MARCHF1: variants seen among roughly 807,000 people sequenced by gnomAD.
MARCHF1 encodes the protein membrane associated ring-CH-type finger 1.
MARCHF1 carries 40 observed loss-of-function variants against 54.2 expected under a neutral mutation model. The ratio of observed to expected loss-of-function variants is 0.74; its 90% confidence interval spans 0.57 to 0.96. The LOEUF (loss-of-function observed/expected upper bound fraction) is 0.96, where lower values mean the gene tolerates loss of function less well. MARCHF1 is among the 40% of genes least tolerant of loss of function. The probability of loss-of-function intolerance (pLI) is 0.00; values close to 1 mark genes in which losing one functional copy is unlikely to be tolerated. For synonymous variants in MARCHF1, 236 were observed against 236.3 expected, an observed-to-expected ratio of 1.00 and a Z score of 0.01; for missense variants, 586 against 656.5, an observed-to-expected ratio of 0.89 and a Z score of 1.17.
At position 164,146,202 on chromosome 4, in the gene MARCHF1, G is replaced by T. The variant is rs1246986578; in HGVS notation, c.-322-34540C>A. On this transcript the variant is annotated intron_variant, in intron 1 of 9. Transcript: ENST00000514618. The stretch of plus-strand genomic sequence containing the variant: ...ACAAACAAATGGAAGAACATTCCAT[G>T]CTCATGGGTAGGAAGAATCAATATC... Among the ~76,000 whole-genome samples, 10 of 145,714 alleles carry T rather than the reference G, an allele frequency of 6.9e-5. No homozygotes were observed. The East Asian group carries it at 7.9e-4, about 12-fold the overall frequency.
intron 5 of MARCHF1, among the ~76,000 whole-genome samples, chr4:163,641,762 C>A (rs896021208): frequency 6.6e-6 from 1 of 152,098 alleles, no homozygotes; most frequent in African/African-American, 2.4e-5. Context: ...GATCTCATTT[C>A]TTCTTATTGG....
intron 2 of MARCHF1, among the ~76,000 whole-genome samples, chr4:164,057,148 C>A (rs991468937): frequency 6.6e-6 from 1 of 152,064 alleles, no homozygotes; most frequent in African/African-American, 2.4e-5. Flanking sequence ...AAACAAGGAG[C>A]TTTATATTTT....
chr4:164,302,950 G>A (rs1484825437), intron 1 of MARCHF1, among the ~76,000 whole-genome samples: 1 of 151,562 alleles, frequency 6.6e-6, no homozygotes, highest in African/African-American at 2.4e-5. Context: ...TCTGCAGGAT[G>A]AGGGAGTTCA....
intron 5 of MARCHF1, among the ~76,000 whole-genome samples, chr4:163,624,939 ATTTCC>A (rs375910863): frequency 2.1e-3 from 327 of 152,288 alleles, no homozygotes; most frequent in African/African-American, 7.4e-3. Flanking sequence ...AACCCCAGTC[ATTTCC>A]TTTCCTTTAT....
intron 4 of MARCHF1, among the ~76,000 whole-genome samples, chr4:163,809,065 C>G (rs1748310767): frequency 6.6e-6 from 1 of 152,094 alleles, no homozygotes; most frequent in African/African-American, 2.4e-5. Context: ...TGCATCTTTG[C>G]AATTGATTCC....
At chr4:164,093,263 A>AT (rs1755342098) in intron 2 of MARCHF1, among the ~76,000 whole-genome samples, 1 of 152,120 alleles carries the variant, frequency 6.6e-6, no homozygotes, top group Non-Finnish European at 1.5e-5. Context: ...ACACAGGAGG[A>AT]ATTACCATCC....
chr4:163,817,893 T>C (rs1224642503), intron 4 of MARCHF1, among the ~76,000 whole-genome samples: 1 of 133,134 alleles, frequency 7.5e-6, no homozygotes, highest in Non-Finnish European at 1.5e-5. Flanking sequence ...TTCTCACTCA[T>C]AGATGGGAAT....
intron 3 of MARCHF1, among the ~76,000 whole-genome samples, chr4:163,986,249 C>CCTTTTTTTTTTTTTTTTTTTTTTTTT (rs1752864138): frequency 6.9e-5 from 2 of 28,830 alleles, no homozygotes; most frequent in Non-Finnish European, 1.5e-4. Context: ...TTAACCTCTT[C>CCTTTTTTTTTTTTTTTTTTTTTTTTT]TTTTTTTTTT....
At chr4:163,721,165 T>C (rs1473522494) in intron 4 of MARCHF1, among the ~76,000 whole-genome samples, 1 of 152,186 alleles carries the variant, frequency 6.6e-6, no homozygotes, top group Non-Finnish European at 1.5e-5. Context: ...GGCTGCGTGT[T>C]TGTCATAAAT....
intron 5 of MARCHF1, among the ~76,000 whole-genome samples, chr4:163,649,213 T>C (rs1288690865): frequency 2.0e-5 from 3 of 152,030 alleles, no homozygotes; most frequent in Non-Finnish European, 4.4e-5. Context: ...AATGAATAGA[T>C]TCTCTGCACT....
chr4:164,317,523 G>T (rs1325158749), intron 1 of MARCHF1, among the ~76,000 whole-genome samples: 1 of 152,074 alleles, frequency 6.6e-6, no homozygotes, highest in East Asian at 1.9e-4. Flanking sequence ...TGAAAAAGGA[G>T]ACTAGCCCCC....
intron 1 of MARCHF1, among the ~76,000 whole-genome samples, chr4:164,270,458 G>A (rs1486090568): frequency 3.3e-5 from 5 of 152,146 alleles, no homozygotes; most frequent in African/African-American, 1.2e-4. Context: ...AAATACTGGA[G>A]TGTTAAGTTC....
chr4:163,789,565 C>A (rs1167191254), intron 4 of MARCHF1, among the ~76,000 whole-genome samples: 2 of 151,230 alleles, frequency 1.3e-5, no homozygotes, highest in African/African-American at 4.8e-5. Context: ...ATATTAGAGT[C>A]ATCTGAGGAG....
intron 1 of MARCHF1, among the ~76,000 whole-genome samples, chr4:164,321,033 T>C (rs112467338): frequency 1.3e-5 from 2 of 152,152 alleles, no homozygotes. Context: ...ATACAGGGGA[T>C]CTGATACATG....
intron 2 of MARCHF1, among the ~76,000 whole-genome samples, chr4:164,105,947 TG>T (rs1376232606): frequency 6.8e-6 from 1 of 146,186 alleles, no homozygotes; most frequent in Non-Finnish European, 1.5e-5. Context: ...CATCAAAAAG[TG>T]GGCGAAGGAC....
chr4:163,706,504 C>G (rs897607876), intron 4 of MARCHF1, among the ~76,000 whole-genome samples: 1 of 151,822 alleles, frequency 6.6e-6, no homozygotes, highest in Non-Finnish European at 1.5e-5. Context: ...ATAACAGAAA[C>G]AAAAACCATA....
chr4:164,135,883 G>A (rs959952520), intron 1 of MARCHF1, among the ~76,000 whole-genome samples: 2 of 152,170 alleles, frequency 1.3e-5, no homozygotes, highest in African/African-American at 4.8e-5. Context: ...AAATGAGAAT[G>A]TTCAGGGGTC....
chr4:163,788,627 G>A (rs906131131), intron 4 of MARCHF1, among the ~76,000 whole-genome samples: 37 of 151,902 alleles, frequency 2.4e-4, no homozygotes, highest in African/African-American at 8.2e-4. Flanking sequence ...TTGGGGTTAT[G>A]AATTTTGTAA....
chr4:164,105,960 T>G (rs1755686903), intron 2 of MARCHF1, among the ~76,000 whole-genome samples: 1 of 146,744 alleles, frequency 6.8e-6, no homozygotes, highest in African/African-American at 2.6e-5. Context: ...GCGAAGGACA[T>G]GAACAGACAC....
Sources: allele counts gnomAD v4.1 joint callset (sites outside exome capture counted in the v4.1 genomes callset), GRCh38; gene constraint gnomAD v4.1.1; transcripts MANE v1.5; gene names NCBI Gene and HGNC (gene_info 2026-07-23, HGNC 2026-07-21).